Variants in PHEX observed in about 807,000 individuals in gnomAD.
The protein encoded by PHEX is phosphate-regulating neutral endopeptidase PHEX.
A neutral mutation model predicts 68.0 loss-of-function variants in PHEX; 16 were observed. That is an observed-to-expected ratio of 0.24 (90% CI 0.16 to 0.36). PHEX has a LOEUF of 0.36. PHEX is among the 10% of genes least tolerant of loss of function. PHEX has a pLI of 1.00. For missense variants in PHEX, 480 were observed against 575.5 expected, an observed-to-expected ratio of 0.83 and a Z score of 1.70; for synonymous variants, 208 against 205.1, an observed-to-expected ratio of 1.01 and a Z score of -0.12.
At chrX:22,071,126 T>C (rs145505844) in intron 3 of PHEX, among the ~76,000 whole-genome samples, 1 of 111,789 alleles carries the variant, frequency 8.9e-6, no homozygotes, top group East Asian at 2.8e-4. Context: ...CAGAATTGAA[T>C]TGAGTGAGGA....
chrX:22,181,338 C>T (rs752581743), intron 14 of PHEX, among the ~76,000 whole-genome samples: 1 of 111,960 alleles, frequency 8.9e-6, no homozygotes, highest in Non-Finnish European at 1.9e-5. Flanking sequence ...TTTTGATTTG[C>T]ATTTCTCTGA....
At chrX:22,136,944 G>A (rs1365181045) in intron 12 of PHEX, among the ~76,000 whole-genome samples, 2 of 112,019 alleles carry the variant, frequency 1.8e-5, no homozygotes, top group Admixed American at 9.5e-5. Context: ...CGTGAAATAA[G>A]CACCGCTTTT....
intron 20 of PHEX, among the ~76,000 whole-genome samples, chrX:22,228,665 G>A (rs1245135018): frequency 1.9e-5 from 2 of 107,817 alleles, no homozygotes; most frequent in South Asian, 3.9e-4. Context: ...GGTCTTATTT[G>A]ATGCATCTGT....
Position 22,089,173 on chromosome X carries a change from C to T in PHEX, c.664-1256C>T, listed in dbSNP as rs181457753. Among the ~76,000 whole-genome samples the T allele has an allele frequency of 2.3e-3, 259 of 110,523 alleles. 1 individual carries two copies. Among genetic ancestry groups the T allele is most frequent in the African/African-American group, 6.8e-3 (206 of 30,405 alleles). ...AGTAGCTAGAATTACAGGTGCGTGC[C>T]GCCACACCTGGCTCATTTTTGTATT... On this transcript the variant is annotated intron_variant, in intron 5 of 21. Coordinates refer to ENST00000379374, the MANE Select transcript of PHEX (RefSeq NM_000444.6).
chrX:22,035,820 A>C (rs750142042), intron 1 of PHEX, among the ~76,000 whole-genome samples: 2 of 109,800 alleles, frequency 1.8e-5, no homozygotes, highest in East Asian at 5.7e-4. Context: ...CAAAAGTAAC[A>C]TCTTAATTTT....
At chrX:22,128,864 C>T (rs67916703) in intron 11 of PHEX, among the ~76,000 whole-genome samples, 5,263 of 102,354 alleles carry the variant, frequency 0.051, 313 homozygotes, top group African/African-American at 0.17. Context: ...CCCCCCAACC[C>T]CCGCCCAGTG....
intron 19 of PHEX, 121 bp from the exon 20 acceptor site, chrX:22,227,386 A>C: frequency 1.9e-6 from 1 of 538,522 alleles, no homozygotes; most frequent in East Asian, 3.6e-5. Context: ...GTTTCTTAAG[A>C]AAATTTTGAC....
At chrX:22,218,517 C>T (rs5951728) in intron 16 of PHEX, among the ~76,000 whole-genome samples, 1,675 of 111,995 alleles carry the variant, frequency 0.015, 26 homozygotes, top group African/African-American at 0.051. Flanking sequence ...GAAAGAGGAA[C>T]GTGACTACCT....
In PHEX at chrX:22,167,656, T is replaced by A. The variant is rs1170734725; in HGVS notation, c.1405-656T>A. The stretch of plus-strand genomic sequence containing the variant: ...ATAGGCAGGTGCCACCATGCCCGGC[T>A]TTTTTTAAAATTTATTTTTGTAGAG... On this transcript the variant is annotated intron_variant, in intron 12 of 21. Transcript: ENST00000379374. Among the ~76,000 whole-genome samples, 4 of 108,170 alleles carry A rather than the reference T, an allele frequency of 3.7e-5. No individual in the cohort carries two copies. In the East Asian group the frequency reaches 1.2e-3, roughly 32 times the overall value. 93.9% of individuals were successfully genotyped at this position (108,170 alleles called of 115,157 possible).
Position 22,221,733 on chromosome X carries a change from C to T in PHEX, c.1889C>T (p.Ala630Val). The change falls in exon 18 of 22, where the codon GCT (alanine) becomes GTT (valine). Residue 630 changes from alanine to valine, a missense_variant. Physicochemically the swap from Ala to Val is moderately conservative, Grantham distance 64. Coordinates refer to ENST00000379374, the MANE Select transcript of PHEX (RefSeq NM_000444.6). ...NQYSNYYWKKAGLNVKGKRTL... is the reference protein window; with the variant it reads ...NQYSNYYWKKVGLNVKGKRTL... ...TATAGCAACTATTATTGGAAGAAAG[C>T]TGGCTTAAATGTGAGTACAACTGTG... 4.1e-6 allele frequency: 5 copies of T among 1,208,186 alleles called. No individual in the cohort carries two copies. The highest frequency in any genetic ancestry group is 5.6e-6 in the Non-Finnish European group (5 of 892,285).
intron 20 of PHEX, among the ~76,000 whole-genome samples, chrX:22,239,234 C>G (rs772229351): frequency 2.7e-5 from 3 of 111,642 alleles, no homozygotes; most frequent in Non-Finnish European, 5.6e-5. Context: ...CCGAAGGTCA[C>G]CAGCATCAAA....
At chrX:22,101,197 A>T in intron 9 of PHEX, among the ~76,000 whole-genome samples, 1 of 111,754 alleles carries the variant, frequency 8.9e-6, no homozygotes, top group East Asian at 2.8e-4. Context: ...AAATAAAAAT[A>T]AAGCCAAATC....
At chrX:22,224,947 A>AATTATCATACAGCACTGTATGATTT (rs1935400053) in intron 18 of PHEX, among the ~76,000 whole-genome samples, 3 of 23,247 alleles carry the variant, frequency 1.3e-4, no homozygotes, top group East Asian at 1.3e-3. Context: ...AAATAACATA[A>AATTATCATACAGCACTGTATGATTT]ATTATCATAC....
At chrX:22,208,197 C>T (rs1934774233) in intron 15 of PHEX, among the ~76,000 whole-genome samples, 1 of 111,505 alleles carries the variant, frequency 9.0e-6, no homozygotes. Context: ...TCCTGATTTT[C>T]TTCAAAAGGT....
intron 20 of PHEX, among the ~76,000 whole-genome samples, chrX:22,232,583 A>G (rs1365357584): frequency 1.9e-5 from 1 of 53,158 alleles, no homozygotes; most frequent in Non-Finnish European, 3.6e-5. Flanking sequence ...AGAGATTAGG[A>G]TTGCCACTTC....
intron 11 of PHEX, among the ~76,000 whole-genome samples, chrX:22,118,339 C>CAAAAAAAAAAAAAAAAAAAAAAAAA (rs1157170753): frequency 4.7e-5 from 1 of 21,111 alleles, no homozygotes; most frequent in African/African-American, 1.7e-4. Flanking sequence ...TAAACAGCAC[C>CAAAAAAAAAAAAAAAAAAAAAAAAA]AAAAAAAAAA....
rs200340509 is a variant in PHEX, at chrX:22,076,365, G to C, written c.350-23G>C. ...GCACCATATGTGGGTGGATACTAAT[G>C]AATCCTTTCTTAACCTTCCCAGAAC... On this transcript the variant is annotated intron_variant, in intron 3 of 21. Coordinates refer to ENST00000379374, the MANE Select transcript of PHEX (RefSeq NM_000444.6). The C allele has an allele frequency of 1.5e-4, 173 of 1,139,941 alleles. 1 individual carries two copies. In the African/African-American group the frequency reaches 3.0e-3, roughly 20 times the overall value. The allele number at this position is 1,139,941 out of a possible 1,213,427, so 93.9% of individuals were successfully genotyped here.
At chrX:22,061,675 C>G (rs762038171) in intron 3 of PHEX, among the ~76,000 whole-genome samples, 1 of 111,212 alleles carries the variant, frequency 9.0e-6, no homozygotes, top group Non-Finnish European at 1.9e-5. Context: ...ACAGAGGCAC[C>G]AAGCAGTATA....
intron 12 of PHEX, among the ~76,000 whole-genome samples, chrX:22,152,993 C>CTT (rs796374231): frequency 1.2e-4 from 12 of 98,715 alleles, no homozygotes; most frequent in Non-Finnish European, 8.3e-5. Flanking sequence ...AAATGATCAA[C>CTT]TTTTTTTTTT....
Sources: gnomAD v4.1 joint callset for allele counts (sites outside exome capture counted in the v4.1 genomes callset) on GRCh38, gnomAD v4.1.1 for gene constraint, MANE v1.5 for transcripts, NCBI Gene and HGNC (gene_info 2026-07-23, HGNC 2026-07-21) for gene names.